Variants in TRPM3 observed in about 807,000 individuals in gnomAD.
TRPM3 encodes the protein long transient receptor potential channel 3.
Under a neutral mutation model 181.2 loss-of-function variants are expected in TRPM3, and 77 were observed. That is an observed-to-expected ratio of 0.42 (90% CI 0.35 to 0.51). TRPM3 has a LOEUF of 0.51. Ranked by LOEUF, TRPM3 falls within the 20% of genes least tolerant of loss-of-function variation. The pLI is 0.01. For synonymous variants in TRPM3, 745 were observed against 796.4 expected (o/e 0.94, Z 1.09); for missense variants, 1,759 against 2,196.7 (o/e 0.80, Z 3.98).
intron 1 of TRPM3, among the ~76,000 whole-genome samples, chr9:71,168,542 TTA>T (rs2076654906): frequency 4.8e-5 from 1 of 20,926 alleles, no homozygotes; most frequent in African/African-American, 2.1e-4. Flanking sequence ...TGTGATTTAT[TTA>T]TTTATTTATT....
chr9:71,089,070 G>A (rs2065749319), intron 1 of TRPM3, among the ~76,000 whole-genome samples: 1 of 147,828 alleles, frequency 6.8e-6, no homozygotes, highest in African/African-American at 2.5e-5. Context: ...AGCCAAGCTT[G>A]TAAATCACAT....
At chr9:71,148,275 T>C (rs2075542373) in intron 1 of TRPM3, among the ~76,000 whole-genome samples, 1 of 152,200 alleles carries the variant, frequency 6.6e-6, no homozygotes, top group African/African-American at 2.4e-5. Flanking sequence ...AACATGTAAA[T>C]AGTTCTCTAA....
At chr9:70,869,021 C>T (rs959400311) in intron 1 of TRPM3, 6 of 985,052 alleles carry the variant, frequency 6.1e-6, no homozygotes, top group Non-Finnish European at 6.0e-6. Flanking sequence ...AAAAGCAGTC[C>T]CCGGAGCAGC....
intron 1 of TRPM3, among the ~76,000 whole-genome samples, chr9:70,919,955 A>C (rs1307014241): frequency 6.6e-6 from 1 of 152,176 alleles, no homozygotes; most frequent in African/African-American, 2.4e-5. Context: ...TTCCCATATA[A>C]GTGTGGTCAA....
chr9:71,412,996 G>A (rs973372800), intron 1 of TRPM3, among the ~76,000 whole-genome samples: 2 of 152,122 alleles, frequency 1.3e-5, no homozygotes, highest in Non-Finnish European at 2.9e-5. Context: ...ACTATCACAA[G>A]GACAGAAAAC....
intron 1 of TRPM3, among the ~76,000 whole-genome samples, chr9:71,060,479 T>A (rs2061194397): frequency 6.6e-6 from 1 of 152,114 alleles, no homozygotes; most frequent in African/African-American, 2.4e-5. Context: ...ATGTCCGACA[T>A]CATTCAACAA....
chr9:70,685,332 CCT>C (rs1327798449), intron 8 of TRPM3, among the ~76,000 whole-genome samples: 8 of 151,894 alleles, frequency 5.3e-5, no homozygotes, highest in Non-Finnish European at 1.0e-4. Flanking sequence ...TGTTTTCATT[CCT>C]CTCTCTGTTT....
chr9:70,808,758 A>G (rs1185278874), intron 6 of TRPM3, among the ~76,000 whole-genome samples: 2 of 152,232 alleles, frequency 1.3e-5, no homozygotes, highest in Admixed American at 6.5e-5. Flanking sequence ...ATGTCATTAC[A>G]GTCTAAAGTG....
chr9:70,860,228 G>A (rs1324088218), intron 3 of TRPM3, among the ~76,000 whole-genome samples: 1 of 152,154 alleles, frequency 6.6e-6, no homozygotes, highest in East Asian at 1.9e-4. Flanking sequence ...AAGAAAACTT[G>A]AGGCTCAGCT....
At chr9:71,169,442 G>A (rs897183328) in intron 1 of TRPM3, among the ~76,000 whole-genome samples, 1 of 152,142 alleles carries the variant, frequency 6.6e-6, no homozygotes, top group East Asian at 1.9e-4. Context: ...CAAATTATGT[G>A]CAGAATGTGG....
At chr9:71,304,342 C>A (rs1317834647) in intron 1 of TRPM3, among the ~76,000 whole-genome samples, 1 of 152,190 alleles carries the variant, frequency 6.6e-6, no homozygotes, top group Non-Finnish European at 1.5e-5. Context: ...CTGCAGGAGC[C>A]TCTTGTGGAT....
In TRPM3 at chr9:70,531,399, T is replaced by G. The variant is rs1278876820; in HGVS notation, c.*4554A>C. The G allele has an allele frequency of 6.6e-6, 1 of 152,234 alleles. No homozygotes were observed. Among genetic ancestry groups the G allele is most frequent in the East Asian group, 1.9e-4 (1 of 5,204 alleles). The allele number at this position is 152,234 out of a possible 1,614,324, so 9.4% of individuals were successfully genotyped here. A position where few individuals can be genotyped will look rare whatever the true frequency, so the allele number is the denominator to read the frequency against. Reference sequence around the variant, plus strand: ...CCAACTGTTTGAGTGAATTCTTAACTGGCTTAAGCGTCACAGCAGGCAATA... The same window carrying G: ...CCAACTGTTTGAGTGAATTCTTAACGGGCTTAAGCGTCACAGCAGGCAATA... On this transcript the variant is annotated 3_prime_UTR_variant, in exon 26 of 26. Transcript: ENST00000677713.
At chr9:71,335,922 G>T (rs996527479) in intron 1 of TRPM3, among the ~76,000 whole-genome samples, 2 of 152,088 alleles carry the variant, frequency 1.3e-5, no homozygotes, top group African/African-American at 4.8e-5. Flanking sequence ...GCCAAAGTCA[G>T]AAAAATCATC....
intron 1 of TRPM3, among the ~76,000 whole-genome samples, chr9:71,257,246 G>A (rs542108598): frequency 1.2e-4 from 18 of 152,248 alleles, no homozygotes; most frequent in East Asian, 1.9e-4. Flanking sequence ...GAAAATGGAA[G>A]GGATGGGCTC....
chr9:70,983,548 C>T (rs1023876605), intron 1 of TRPM3, among the ~76,000 whole-genome samples: 10 of 152,148 alleles, frequency 6.6e-5, no homozygotes, highest in South Asian at 2.1e-4. Context: ...TGATTCAGAG[C>T]GTGCTAGAGC....
rs1033639362 is a variant in TRPM3, at chr9:70,529,245, A to G, written c.*6708T>C. 2 of 152,198 alleles carry G rather than the reference A, an allele frequency of 1.3e-5. No individual in the cohort carries two copies. The highest frequency in any genetic ancestry group is 2.9e-5 in the Non-Finnish European group (2 of 68,030). 9.4% of individuals were successfully genotyped at this position (152,198 alleles called of 1,614,324 possible). On this transcript the variant is annotated 3_prime_UTR_variant, in exon 26 of 26. Transcript: ENST00000677713. ...AAGAACAATTCTTCTAAGGATTTAT[A>G]TATATTTATAGTGTCGATAGATATG...
rs1449843043 is a variant in TRPM3 at position 71,088,081 on chromosome 9, ACT to A, written c.177+33095_177+33096del. 7.2e-5 allele frequency among the ~76,000 whole-genome samples: 11 copies of A among 152,028 alleles called. No homozygotes were observed. In the East Asian group the frequency reaches 1.4e-3, roughly 19 times the overall value. ...GCTAGAAATACAAAGAGGATGAAAA[ACT>A]CTGTTCTTTAATGAGCTCTTGTCAA... is the stretch of plus-strand genomic sequence containing the variant. On this transcript the variant is annotated intron_variant, in intron 1 of 25. Coordinates refer to ENST00000677713, the MANE Select transcript of TRPM3 (RefSeq NM_001366145.2).
chr9:70,744,323 C>CT (rs2074740037), intron 8 of TRPM3, among the ~76,000 whole-genome samples: 2 of 78,590 alleles, frequency 2.5e-5, no homozygotes. Flanking sequence ...AGCAAAATCT[C>CT]TGTCTCAAAA....
chr9:70,852,245 C>T (rs2095261015), intron 3 of TRPM3, among the ~76,000 whole-genome samples: 1 of 151,556 alleles, frequency 6.6e-6, no homozygotes, highest in South Asian at 2.1e-4. Context: ...CACATGCATG[C>T]TGCGTGTTCT....
Sources: gnomAD v4.1 joint callset for allele counts (sites outside exome capture counted in the v4.1 genomes callset) on GRCh38, gnomAD v4.1.1 for gene constraint, MANE v1.5 for transcripts, NCBI Gene and HGNC (gene_info 2026-07-23, HGNC 2026-07-21) for gene names.